CPQ: variants seen among roughly 807,000 people sequenced by gnomAD.
The protein encoded by CPQ is Ser-Met dipeptidase.
CPQ carries 37 observed loss-of-function variants against 45.7 expected under a neutral mutation model. The ratio of observed to expected loss-of-function variants is 0.81; its 90% CI spans 0.62 to 1.07. CPQ has a LOEUF of 1.07. Among genes scored for constraint, CPQ ranks in the 50% least tolerant of loss-of-function variants. The probability of loss-of-function intolerance (pLI) is 0.00; values close to 1 mark genes in which losing one functional copy is unlikely to be tolerated. For synonymous variants in CPQ, 186 were observed against 205.8 expected, an observed-to-expected ratio of 0.90 and a Z score of 0.82; for missense variants, 537 against 572.9, an observed-to-expected ratio of 0.94 and a Z score of 0.64.
At chr8:96,661,834 A>G (rs768689266) in intron 1 of CPQ, among the ~76,000 whole-genome samples, 1 of 152,192 alleles carries the variant, frequency 6.6e-6, no homozygotes, top group Non-Finnish European at 1.5e-5. Context: ...GTATGTTAAG[A>G]GTATGTTTAG....
intron 5 of CPQ, among the ~76,000 whole-genome samples, chr8:97,019,496 A>C (rs1235804993): frequency 6.6e-6 from 1 of 152,212 alleles, no homozygotes; most frequent in Non-Finnish European, 1.5e-5. Flanking sequence ...CTAACACTTA[A>C]GTGCTCACAT....
At chr8:97,078,354 G>A (rs10955098) in intron 7 of CPQ, among the ~76,000 whole-genome samples, 15,210 of 152,206 alleles carry the variant, frequency 0.1, 1,128 homozygotes, top group African/African-American at 0.21. Context: ...CAGTAAGTGT[G>A]TGTGTTGCTA....
intron 1 of CPQ, among the ~76,000 whole-genome samples, chr8:96,716,835 A>G (rs11776742): frequency 0.32 from 48,706 of 150,836 alleles, 8,224 homozygotes; most frequent in East Asian, 0.6. Flanking sequence ...TGAACCTGGG[A>G]GGCAGAAGTT....
chr8:97,027,843 T>C (rs1487977378), intron 5 of CPQ, among the ~76,000 whole-genome samples: 1 of 152,222 alleles, frequency 6.6e-6, no homozygotes, highest in African/African-American at 2.4e-5. Context: ...AGTTTACTTC[T>C]GGTTATTGGA....
intron 7 of CPQ, among the ~76,000 whole-genome samples, chr8:97,109,908 G>A (rs995602337): frequency 6.6e-6 from 1 of 151,692 alleles, no homozygotes; most frequent in African/African-American, 2.4e-5. Context: ...ATTCTTTAAG[G>A]GTTATTCTCC....
At chr8:97,132,410 A>C (rs1811972774) in intron 7 of CPQ, among the ~76,000 whole-genome samples, 2 of 152,212 alleles carry the variant, frequency 1.3e-5, no homozygotes, top group South Asian at 4.1e-4. Flanking sequence ...ATTTGGTCAG[A>C]AACAGCATTT....
chr8:96,790,827 A>T (rs572745997), intron 2 of CPQ, among the ~76,000 whole-genome samples: 3 of 151,948 alleles, frequency 2.0e-5, no homozygotes, highest in Non-Finnish European at 4.4e-5. Context: ...TTTTTAAATA[A>T]TTTTTCCCAC....
intron 1 of CPQ, among the ~76,000 whole-genome samples, chr8:96,707,066 T>C (rs1809539987): frequency 6.6e-6 from 1 of 152,162 alleles, no homozygotes; most frequent in Admixed American, 6.6e-5. Context: ...CCTGGCAACA[T>C]ATAGTTTCCA....
At chr8:96,936,647 T>A (rs998144481) in intron 4 of CPQ, among the ~76,000 whole-genome samples, 2 of 152,112 alleles carry the variant, frequency 1.3e-5, no homozygotes, top group Non-Finnish European at 2.9e-5. Flanking sequence ...TATCTAAATA[T>A]CCCAAAGATA....
chr8:96,924,029 G>A (rs190224241), intron 4 of CPQ, among the ~76,000 whole-genome samples: 7 of 152,308 alleles, frequency 4.6e-5, no homozygotes, highest in Admixed American at 4.6e-4. Flanking sequence ...TTTTCAGGAT[G>A]CCCTCCCAGT....
intron 7 of CPQ, among the ~76,000 whole-genome samples, chr8:97,123,013 AT>A: frequency 1.6e-5 from 1 of 62,844 alleles, no homozygotes; most frequent in Non-Finnish European, 2.9e-5. Context: ...ATAAAATAAA[AT>A]AAAATAAAAT....
intron 3 of CPQ, among the ~76,000 whole-genome samples, chr8:96,870,357 A>G (rs1239751894): frequency 1.3e-5 from 2 of 152,046 alleles, no homozygotes; most frequent in Non-Finnish European, 2.9e-5. Flanking sequence ...CACCTATCTC[A>G]GAATTGATAT....
intron 1 of CPQ, among the ~76,000 whole-genome samples, chr8:96,768,286 C>T (rs1810494840): frequency 6.9e-6 from 1 of 145,462 alleles, no homozygotes; most frequent in East Asian, 2.0e-4. Flanking sequence ...TTTGGCTTAA[C>T]ACTTTTTTTT....
At chr8:96,784,404 G>GGT in intron 1 of CPQ, among the ~76,000 whole-genome samples, 1 of 151,720 alleles carries the variant, frequency 6.6e-6, no homozygotes, top group Non-Finnish European at 1.5e-5. Context: ...TGAGGTGGGG[G>GGT]GGGGGTTGGT....
At chr8:97,043,178 G>T (rs927025634) in intron 6 of CPQ, among the ~76,000 whole-genome samples, 3 of 152,100 alleles carry the variant, frequency 2.0e-5, no homozygotes, top group Admixed American at 6.5e-5. Flanking sequence ...TCCTGTATTG[G>T]GTGCATATAT....
intron 1 of CPQ, among the ~76,000 whole-genome samples, chr8:96,780,859 C>T (rs927989023): frequency 6.6e-6 from 1 of 151,690 alleles, no homozygotes; most frequent in African/African-American, 2.4e-5. Context: ...TTCAAGGGCT[C>T]AATATATAGA....
chr8:96,929,288 C>T (rs113391103), intron 4 of CPQ, among the ~76,000 whole-genome samples: 4,560 of 152,244 alleles, frequency 0.03, 107 homozygotes, highest in Non-Finnish European at 0.045. Flanking sequence ...TTATTTAAGA[C>T]TCTCTGAACA....
intron 1 of CPQ, among the ~76,000 whole-genome samples, chr8:96,681,968 G>GT (rs1368006977): frequency 6.6e-6 from 1 of 152,154 alleles, no homozygotes; most frequent in Non-Finnish European, 1.5e-5. Context: ...CCCAATGCTT[G>GT]TACCCCCATT....
At chr8:96,872,578 A>G (rs1217718593) in intron 3 of CPQ, among the ~76,000 whole-genome samples, 1 of 151,970 alleles carries the variant, frequency 6.6e-6, no homozygotes, top group Non-Finnish European at 1.5e-5. Context: ...TATATAATGC[A>G]CTGATTTATC....
Sources: allele counts gnomAD v4.1 joint callset (sites outside exome capture counted in the v4.1 genomes callset), GRCh38; gene constraint gnomAD v4.1.1; transcripts MANE v1.5; gene names NCBI Gene and HGNC (gene_info 2026-07-23, HGNC 2026-07-21).